The following ECHDC2 variants were observed in gnomAD, a reference collection of about 807,000 sequenced individuals.
ECHDC2 encodes the protein enoyl-CoA hydratase domain-containing protein 2, mitochondrial.
A neutral mutation model predicts 40.6 loss-of-function variants in ECHDC2; 34 were observed. The observed-to-expected ratio is 0.84, with a 90% CI of 0.64 to 1.11. The LOEUF is 1.11. Ranked by LOEUF, ECHDC2 falls within the 50% of genes most tolerant of loss-of-function variation. The pLI, the probability that ECHDC2 is intolerant of heterozygous loss-of-function variation, is 0.00. For synonymous variants in ECHDC2, 162 were observed against 166.6 expected, an observed-to-expected ratio of 0.97 and a Z score of 0.21; for missense variants, 392 against 400.7, an observed-to-expected ratio of 0.98 and a Z score of 0.19.
chr1:52,906,415 G>T, intron 5 of ECHDC2, 104 bp downstream of exon 5: 1 of 1,042,790 alleles, frequency 9.6e-7, no homozygotes, highest in Non-Finnish European at 1.5e-6. Context: ...GCTTTTGGTT[G>T]GAAGCCAAGA....
At chr1:52,903,942 T>A (rs1387753306) in intron 7 of ECHDC2, among the ~76,000 whole-genome samples, 2 of 151,664 alleles carry the variant, frequency 1.3e-5, no homozygotes, top group Non-Finnish European at 2.9e-5. Context: ...CTCAGCCTCC[T>A]GAGTAGCTGG....
chr1:52,898,794 A>T, intron 8 of ECHDC2: 1 of 329,720 alleles, frequency 3.0e-6, no homozygotes, highest in Non-Finnish European at 5.7e-6. Context: ...GATTAGCCAC[A>T]CCCAAGGCAT....
chr1:52,908,613 A>G (rs1462862098), intron 3 of ECHDC2, among the ~76,000 whole-genome samples: 1 of 152,056 alleles, frequency 6.6e-6, no homozygotes, highest in Admixed American at 6.6e-5. Flanking sequence ...AACTTCTCCA[A>G]CTAAACAACA....
At chr1:52,910,509 C>T (rs1317206030) in intron 3 of ECHDC2, among the ~76,000 whole-genome samples, 6 of 151,602 alleles carry the variant, frequency 4.0e-5, no homozygotes, top group Non-Finnish European at 7.4e-5. Flanking sequence ...GCTGGGATTA[C>T]AGGCACTGGC....
In ECHDC2 at chr1:52,921,729, C is replaced by T; in HGVS notation, c.-56G>A. On this transcript the variant is annotated 5_prime_UTR_variant, in exon 1 of 10. Transcript: ENST00000371522. ...TCCGGCCCTGCACCGTCTCGGCTCC[C>T]GCTGAGAGCTCGCAGTTCCGGCGTC... is the stretch of plus-strand genomic sequence containing the variant. The T allele has an allele frequency of 1.4e-6, 2 of 1,426,410 alleles. No homozygotes were observed. Among genetic ancestry groups the T allele is most frequent in the Non-Finnish European group, 9.1e-7 (1 of 1,093,094 alleles). 88.4% of individuals were successfully genotyped at this position (1,426,410 alleles called of 1,614,324 possible).
chr1:52,915,427 CA>C, intron 1 of ECHDC2: 1 of 449,658 alleles, frequency 2.2e-6, no homozygotes, highest in Non-Finnish European at 4.5e-6. Flanking sequence ...TGGCTAGGGG[CA>C]AAGAACTGTA....
intron 7 of ECHDC2, 65 bp from the exon 8 acceptor site, chr1:52,899,289 G>A (rs1646837227): frequency 4.6e-6 from 7 of 1,506,894 alleles, no homozygotes; most frequent in Middle Eastern, 1.7e-4. Context: ...GGTCTGAGGT[G>A]CACAGCTTTG....
At chr1:52,919,369 C>CCATT (rs1367545188) in intron 1 of ECHDC2, among the ~76,000 whole-genome samples, 2 of 152,154 alleles carry the variant, frequency 1.3e-5, no homozygotes, top group African/African-American at 2.4e-5. Context: ...TACACATTTA[C>CCATT]CATTGTGTTA....
rs780150306 is a variant in ECHDC2, at chr1:52,907,869, G to A, written c.363C>T (p.Ile121=). The A allele has an allele frequency of 3.2e-5, 43 of 1,345,508 alleles. No homozygotes were observed. The highest frequency in any genetic ancestry group is 1.6e-4 in the African/African-American group (11 of 67,722). 83.3% of individuals were successfully genotyped at this position (1,345,508 alleles called of 1,614,324 possible). A position where few individuals can be genotyped will look rare whatever the true frequency, so the allele number is the denominator to read the frequency against. The change falls in exon 4 of 10, where the codon ATC becomes ATT. Residue 121 remains isoleucine (I), a splice_region_variant and synonymous_variant. Coordinates refer to ENST00000371522, the MANE Select transcript of ECHDC2 (RefSeq NM_001198961.2). ...TCCACCCCACACCCAGATCCTCACC[G>A]ATGTCATTCATCAGGCCCCGGAGTC... ...VQRLRGLMND[I]AAFPAPTIAA... is the part of the protein sequence containing the mutation.
At chr1:52,907,784 TC>T in intron 4 of ECHDC2, 83 bp downstream of exon 4, 2 of 1,179,038 alleles carry the variant, frequency 1.7e-6, no homozygotes, top group Admixed American at 2.0e-5. Context: ...AAGAAGACTC[TC>T]CTTAGATGCT....
In ECHDC2 at chr1:52,906,547, A is replaced by G. The variant is rs770032931; in HGVS notation, c.429T>C (p.Leu143=). ...DGFALGGGLE[L]ALACDLRVAA... ...CCACTCGGAGGTCACAGGCCAGGGC[A>G]AGCTCTAGGCCTCCGCCCAAGGCAA... Residue 143 remains leucine (L), a synonymous_variant, in exon 5 of 10, where the codon CTT becomes CTC. Transcript: ENST00000371522. The G allele has an allele frequency of 6.2e-7, 1 of 1,612,514 alleles. No homozygotes were observed. Among genetic ancestry groups the G allele is most frequent in the East Asian group, 2.2e-5 (1 of 44,874 alleles).
At chr1:52,910,352 G>GCTTTTT (rs1649094598) in intron 3 of ECHDC2, among the ~76,000 whole-genome samples, 3 of 32,062 alleles carry the variant, frequency 9.4e-5, no homozygotes, top group African/African-American at 3.3e-4. Flanking sequence ...CCACAATTTC[G>GCTTTTT]TTTTTTTTTT....
At chr1:52,904,149 A>C (rs1647202252) in intron 7 of ECHDC2, among the ~76,000 whole-genome samples, 1 of 152,152 alleles carries the variant, frequency 6.6e-6, no homozygotes, top group Non-Finnish European at 1.5e-5. Context: ...CCCACCAGGC[A>C]GTATGGTAGG....
At chr1:52,907,192 C>A (rs1376844520) in intron 4 of ECHDC2, 1 of 151,658 alleles carries the variant, frequency 6.6e-6, no homozygotes, top group Non-Finnish European at 1.5e-5. Context: ...CTGCTTCCCG[C>A]AGCCAGGTTA....
In ECHDC2 at chr1:52,906,562, G is replaced by A. The variant is rs751761631; in HGVS notation, c.414C>T (p.Gly138=). Residue 138 remains glycine, a synonymous_variant, in exon 5 of 10, where the codon GGC becomes GGT. Transcript: ENST00000371522. ...AGGCCAGGGCAAGCTCTAGGCCTCC[G>A]CCCAAGGCAAACCCATCCATAGCCG... ...TIAAMDGFAL[G]GGLELALACD... 21 of 1,612,434 alleles carry A rather than the reference G, an allele frequency of 1.3e-5. No individual in the cohort carries two copies. Among genetic ancestry groups the A allele is most frequent in the Admixed American group, 1.0e-4 (6 of 59,980 alleles).
At chr1:52,917,642 T>C (rs1651008158) in intron 1 of ECHDC2, 1 of 455,960 alleles carries the variant, frequency 2.2e-6, no homozygotes, top group African/African-American at 2.0e-5. Flanking sequence ...CAGCCATTAA[T>C]TACAGTCATG....
intron 8 of ECHDC2, chr1:52,898,727 G>A: frequency 4.5e-6 from 1 of 222,236 alleles, no homozygotes; most frequent in Non-Finnish European, 8.8e-6. Context: ...TGACTAGATG[G>A]GAGAGTTGAG....
chr1:52,908,426 A>C (rs950607151), intron 3 of ECHDC2, among the ~76,000 whole-genome samples: 3 of 152,080 alleles, frequency 2.0e-5, no homozygotes, highest in Admixed American at 1.3e-4. Context: ...ACCTGAACCC[A>C]GGAGGTGAAG....
Position 52,914,062 on chromosome 1 carries a change from C to G in ECHDC2, c.122-2272G>C, listed in dbSNP as rs1272451035. 1.1e-6 allele frequency: 1 copy of G among 920,800 alleles called. No homozygotes were observed. The highest frequency in any genetic ancestry group is 2.3e-5 in the Admixed American group (1 of 43,078). The allele number at this position is 920,800 out of a possible 1,614,324, so 57.0% of individuals were successfully genotyped here. On this transcript the variant is annotated intron_variant, in intron 1 of 9. Transcript: ENST00000371522. The surrounding 1 kb of genome is among the most constrained non-coding windows in gnomAD (Gnocchi z 4.0). ...GACACCGTGATTCCAGAGACCAGGA[C>G]AGACTCAAGGCCTGTCCTCATGGAA...
Sources: allele counts gnomAD v4.1 joint callset (sites outside exome capture counted in the v4.1 genomes callset), GRCh38; gene constraint gnomAD v4.1.1; non-coding constraint Gnocchi (gnomAD v3.1); transcripts MANE v1.5; gene names NCBI Gene and HGNC (gene_info 2026-07-23, HGNC 2026-07-21).